ETFA: variants seen among roughly 807,000 people sequenced by gnomAD.
ETFA encodes the protein electron transfer flavoprotein subunit alpha, mitochondrial.
In ETFA, 22 loss-of-function variants were observed where a neutral mutation model predicts 46.2. That is an observed-to-expected ratio of 0.48 (90% CI 0.34 to 0.68). The LOEUF is 0.68. ETFA is among the 30% of genes least tolerant of loss of function. ETFA has a pLI of 0.01. For missense variants in ETFA, 345 were observed against 401.1 expected (o/e 0.86, Z 1.19); for synonymous variants, 131 against 139.9 (o/e 0.94, Z 0.45).
intron 9 of ETFA, among the ~76,000 whole-genome samples, chr15:76,268,585 C>A (rs2039497238): frequency 6.6e-6 from 1 of 152,178 alleles, no homozygotes; most frequent in South Asian, 2.1e-4. Flanking sequence ...TCCTCTCTAC[C>A]CTTCTACCCT....
At chr15:76,284,480 ATTTT>A in intron 7 of ETFA, 1 of 206,014 alleles carries the variant, frequency 4.9e-6, no homozygotes, top group South Asian at 8.3e-5. Context: ...CAAAATTATT[ATTTT>A]TATTTATTTA....
chr15:76,288,064 A>T, intron 4 of ETFA, 119 bp from the exon 5 acceptor site: 1 of 724,778 alleles, frequency 1.4e-6, no homozygotes, highest in Non-Finnish European at 2.5e-6. Flanking sequence ...AATATTTTAT[A>T]TTTCGTGTGC....
At chr15:76,286,100 G>A (rs1477991423) in intron 6 of ETFA, among the ~76,000 whole-genome samples, 1 of 152,208 alleles carries the variant, frequency 6.6e-6, no homozygotes, top group Admixed American at 6.5e-5. Flanking sequence ...ATAGGAAACA[G>A]TGACAAGAGT....
At chr15:76,264,632 T>C (rs565354672) in intron 9 of ETFA, among the ~76,000 whole-genome samples, 79 of 152,294 alleles carry the variant, frequency 5.2e-4, no homozygotes, top group African/African-American at 1.9e-3. Context: ...TTGCATATGA[T>C]AATGCTAATG....
intron 5 of ETFA, among the ~76,000 whole-genome samples, chr15:76,287,527 A>AT (rs760771623): frequency 8.6e-5 from 13 of 151,312 alleles, no homozygotes; most frequent in African/African-American, 1.9e-4. Context: ...TGAGAATACT[A>AT]TTTTTTTTTA....
At chr15:76,295,920 C>CT (rs1351526859) in intron 1 of ETFA, among the ~76,000 whole-genome samples, 183 bp from the exon 2 acceptor site, 1 of 103,990 alleles carries the variant, frequency 9.6e-6, no homozygotes, top group Non-Finnish European at 2.2e-5. Context: ...GTGTCTATCA[C>CT]TGTACCACTA....
At chr15:76,269,520 A>G (rs2039507216) in intron 9 of ETFA, among the ~76,000 whole-genome samples, 2 of 152,196 alleles carry the variant, frequency 1.3e-5, no homozygotes, top group African/African-American at 4.8e-5. Flanking sequence ...TTGATCATCA[A>G]TAAATAGCAT....
At chr15:76,262,330 A>G (rs1046535360) in intron 9 of ETFA, among the ~76,000 whole-genome samples, 25 of 139,886 alleles carry the variant, frequency 1.8e-4, no homozygotes, top group Admixed American at 2.0e-4. Flanking sequence ...AAAAGTGAGG[A>G]AAAAAAAATG....
intron 1 of ETFA, among the ~76,000 whole-genome samples, chr15:76,304,773 G>T (rs573271410): frequency 6.6e-6 from 1 of 151,910 alleles, no homozygotes; most frequent in Non-Finnish European, 1.5e-5. Flanking sequence ...GGCCAGGAGC[G>T]GTGGCTCACA....
intron 1 of ETFA, among the ~76,000 whole-genome samples, chr15:76,297,598 G>A (rs1258565590): frequency 6.6e-6 from 1 of 151,926 alleles, no homozygotes; most frequent in Non-Finnish European, 1.5e-5. Flanking sequence ...GTAAATTATA[G>A]TTCTATCATA....
chr15:76,303,421 C>G (rs781040573), intron 1 of ETFA, among the ~76,000 whole-genome samples: 57 of 152,186 alleles, frequency 3.7e-4, no homozygotes, highest in Admixed American at 1.5e-3. Context: ...GATTTCATGA[C>G]GAACACTCCA....
At chr15:76,285,984 ACTTT>A (rs1344302893) in intron 6 of ETFA, among the ~76,000 whole-genome samples, 5 of 152,216 alleles carry the variant, frequency 3.3e-5, no homozygotes, top group African/African-American at 9.7e-5. Flanking sequence ...ATATAGAATA[ACTTT>A]CTTTCTATGA....
intron 9 of ETFA, chr15:76,261,163 C>T (rs1596205182): frequency 3.9e-6 from 6 of 1,531,030 alleles, no homozygotes; most frequent in Non-Finnish European, 5.4e-6. Flanking sequence ...GGGAGCAGGT[C>T]CCCCGATCTT....
In ETFA at chr15:76,296,790, GGTCCCT is replaced by G. The variant is rs1435336831; in HGVS notation, c.40-1059_40-1054del. ...AAGGAACACAAAGATGAACAAGAAT[GGTCCCT>G]GTATATTTCACAGGAAATTAGACTT... On this transcript the variant is annotated intron_variant, in intron 1 of 11. Transcript: ENST00000557943. Among the ~76,000 whole-genome samples the G allele has an allele frequency of 3.3e-5, 5 of 152,210 alleles. No individual in the cohort carries two copies. In the East Asian group the frequency reaches 9.7e-4, roughly 29 times the overall value.
chr15:76,246,773 C>T (rs2141478402), intron 9 of ETFA, among the ~76,000 whole-genome samples: 2 of 151,534 alleles, frequency 1.3e-5, no homozygotes, highest in Middle Eastern at 6.8e-3. Context: ...GTGGAGCTTG[C>T]AGTGAGCCGA....
At chr15:76,258,562 G>A (rs1219459397) in intron 9 of ETFA, among the ~76,000 whole-genome samples, 1 of 152,186 alleles carries the variant, frequency 6.6e-6, no homozygotes, top group African/African-American at 2.4e-5. Flanking sequence ...AAACCCCGAG[G>A]GTGGTAACAG....
intron 11 of ETFA, among the ~76,000 whole-genome samples, chr15:76,220,558 G>A (rs2038947294): frequency 6.6e-6 from 1 of 152,118 alleles, no homozygotes; most frequent in Non-Finnish European, 1.5e-5. Flanking sequence ...CACACAATGG[G>A]AGAAACTATT....
intron 9 of ETFA, chr15:76,261,549 C>T (rs62027004): frequency 0.066 from 40,142 of 612,798 alleles, 1,661 homozygotes; most frequent in Middle Eastern, 0.095. Context: ...TCAGCTTTGC[C>T]GGGACTCCCA....
rs542240075 is a variant in ETFA at position 76,288,135 on chromosome 15, C to A, written c.352-190G>T. On this transcript the variant is annotated intron_variant, in intron 4 of 11. Transcript: ENST00000557943. ...AATAGCCTTTGAGATTGAGTACTTA[C>A]CATTACTCTAACTACATTAAGAGTT... is the stretch of plus-strand genomic sequence containing the variant. Among the ~76,000 whole-genome samples, 6 of 152,258 alleles carry A rather than the reference C, an allele frequency of 3.9e-5. No homozygotes were observed. In the East Asian group the frequency reaches 5.8e-4, roughly 15 times the overall value.
Sources: allele counts gnomAD v4.1 joint callset (sites outside exome capture counted in the v4.1 genomes callset), GRCh38; gene constraint gnomAD v4.1.1; transcripts MANE v1.5; gene names NCBI Gene and HGNC (gene_info 2026-07-23, HGNC 2026-07-21).